The following PRKAG1 variants were observed in gnomAD, a reference collection of about 807,000 sequenced individuals.
The protein encoded by PRKAG1 is protein kinase AMP-activated non-catalytic subunit gamma 1, also known as 5'-AMP-activated protein kinase subunit gamma-1.
In PRKAG1, 27 loss-of-function variants were observed where a neutral mutation model predicts 48.2. The ratio of observed to expected loss-of-function variants is 0.56; its 90% confidence interval spans 0.41 to 0.77. The LOEUF is 0.77. PRKAG1 is among the 30% of genes least tolerant of loss of function. The probability of loss-of-function intolerance (pLI) is 0.00; values close to 1 mark genes in which losing one functional copy is unlikely to be tolerated. For missense variants in PRKAG1, 287 were observed against 398.3 expected (o/e 0.72, Z 2.38); for synonymous variants, 130 against 147.7 (o/e 0.88, Z 0.87).
At position 49,013,359 on chromosome 12, in the gene PRKAG1, C is replaced by T. The variant is rs375619455; in HGVS notation, c.10-249G>A. ...TCGGGGTCAGGTGATCCTCTCTCAC[C>T]TCAGCCTCCTGAGTAGCTGGGACTA... On this transcript the variant is annotated intron_variant, in intron 1 of 11. Transcript: ENST00000548065. Among the ~76,000 whole-genome samples, 49 of 152,250 alleles carry T rather than the reference C, an allele frequency of 3.2e-4. 1 individual carries two copies. Among genetic ancestry groups the T allele is most frequent in the African/African-American group, 8.7e-4 (36 of 41,540 alleles).
chr12:49,007,610 G>C (rs926155804), intron 2 of PRKAG1, among the ~76,000 whole-genome samples: 2 of 152,020 alleles, frequency 1.3e-5, no homozygotes, highest in African/African-American at 4.8e-5. Context: ...CCCTTCCCCA[G>C]AGATGAGAAC....
chr12:49,013,823 T>C (rs1941857777), intron 1 of PRKAG1, among the ~76,000 whole-genome samples: 1 of 152,190 alleles, frequency 6.6e-6, no homozygotes, highest in African/African-American at 2.4e-5. Flanking sequence ...ACAAAATAAT[T>C]TCTTATAACT....
In PRKAG1 at chr12:49,007,353, T is replaced by A. The variant is rs145794268; in HGVS notation, c.59-1501A>T. ...AAATGTGTAAGTAATGTCCTCATGT[T>A]TCAGATGAGAAAATAGGTGTAGTTA... On this transcript the variant is annotated intron_variant, in intron 2 of 11. Transcript: ENST00000548065. Among the ~76,000 whole-genome samples the A allele has an allele frequency of 1.4e-3, 219 of 152,258 alleles. 1 individual carries two copies. The highest frequency in any genetic ancestry group is 5.2e-3 in the African/African-American group (214 of 41,546).
chr12:49,010,360 A>G (rs1258691916), intron 2 of PRKAG1, among the ~76,000 whole-genome samples: 1 of 152,214 alleles, frequency 6.6e-6, no homozygotes, highest in Non-Finnish European at 1.5e-5. Flanking sequence ...CTTCCCTTCA[A>G]GAGGATTCTG....
At chr12:49,004,757 C>T (rs1941449192) in intron 7 of PRKAG1, 124 bp from the exon 8 acceptor site, 1 of 1,446,070 alleles carries the variant, frequency 6.9e-7, no homozygotes, top group Non-Finnish European at 9.5e-7. Context: ...GTGTACAGGC[C>T]AGACTTAAAG....
intron 1 of PRKAG1, chr12:49,018,410 C>T: frequency 1.6e-6 from 2 of 1,236,536 alleles, no homozygotes; most frequent in Non-Finnish European, 2.1e-6. Flanking sequence ...TCTCAAACCT[C>T]TAAAAGGGCT....
At chr12:49,007,286 C>CAA (rs143240191) in intron 2 of PRKAG1, among the ~76,000 whole-genome samples, 23 of 112,226 alleles carry the variant, frequency 2.0e-4, no homozygotes, top group Admixed American at 5.8e-4. Context: ...GACTCCGTCT[C>CAA]AAAAAAAAAA....
At chr12:49,018,594 G>A in intron 1 of PRKAG1, 138 bp downstream of exon 1, 1 of 1,521,786 alleles carries the variant, frequency 6.6e-7, no homozygotes, top group Non-Finnish European at 8.8e-7. Context: ...ACAGGGTCAC[G>A]GGATAGGGCA....
intron 7 of PRKAG1, 71 bp downstream of exon 7, chr12:49,004,893 G>A: frequency 6.6e-7 from 1 of 1,505,826 alleles, no homozygotes; most frequent in Non-Finnish European, 9.2e-7. Flanking sequence ...TTCCCTGGGT[G>A]TCTAGGGCAT....
At chr12:49,007,232 A>G (rs1941577429) in intron 2 of PRKAG1, among the ~76,000 whole-genome samples, 1 of 151,732 alleles carries the variant, frequency 6.6e-6, no homozygotes, top group African/African-American at 2.4e-5. Flanking sequence ...GGTTGCAGTG[A>G]GACGAGATTG....
chr12:49,005,825 T>C lies in PRKAG1; in HGVS notation c.86A>G (p.Tyr29Cys), dbSNP rs1941514547. ...GCGATGAGACTTCATGAAGGAAGTA[T>C]ACACGCTATTGTTGGATTCTGGGGT... The part of the protein sequence containing the change: ...QETPESNNSV[Y>C]TSFMKSHRCY... Residue 29 changes from tyrosine to cysteine, a missense_variant, in exon 3 of 12, where the codon TAT becomes TGT. Tyr to Cys is a radical substitution (Grantham distance 194, BLOSUM62 -2). Around this residue, in one of 2 missense-constraint regions of PRKAG1, gnomAD observed 63 missense variants for 54.0 expected, o/e 1.17. Coordinates refer to ENST00000548065, the MANE Select transcript of PRKAG1 (RefSeq NM_002733.5). The surrounding 1 kb of genome is among the most constrained non-coding windows in gnomAD (Gnocchi z 4.1). 1 of 1,612,212 alleles carries C rather than the reference T, an allele frequency of 6.2e-7. No individual in the cohort carries two copies. Among genetic ancestry groups the C allele is most frequent in the Non-Finnish European group, 8.5e-7 (1 of 1,178,938 alleles).
rs201427080 is a variant in PRKAG1, at chr12:49,005,535, T to G, written c.177A>C (p.Lys59Asn). The G allele has an allele frequency of 1.2e-6, 2 of 1,614,046 alleles. No individual in the cohort carries two copies. Among genetic ancestry groups the G allele is most frequent in the Non-Finnish European group, 1.7e-6 (2 of 1,180,038 alleles). The change falls in exon 4 of 12, where the codon AAA (lysine) becomes AAC (asparagine). Residue 59 changes from lysine to asparagine, a missense_variant. By Grantham distance (94) the Lys-to-Asn change is moderately conservative. Around this residue, in one of 2 missense-constraint regions of PRKAG1, gnomAD observed 224 missense variants for 344.3 expected, o/e 0.65. Coordinates refer to ENST00000548065, the MANE Select transcript of PRKAG1 (RefSeq NM_002733.5). This position sits in a 1 kb window ranked among gnomAD's most constrained non-coding sequence, Gnocchi z 4.1. Reference protein sequence around the residue: ...VVFDTSLQVKKAFFALVTNGV... With the variant: ...VVFDTSLQVKNAFFALVTNGV... Reference sequence around the variant, plus strand: ...CGTTAGTCACCAAAGCAAAAAAAGCTTTCTTCACCTGTAGCCAAGACAGTA... The same window carrying G: ...CGTTAGTCACCAAAGCAAAAAAAGCGTTCTTCACCTGTAGCCAAGACAGTA...
At position 49,005,333 on chromosome 12, in the gene PRKAG1, G is replaced by A. The variant is rs538592897; in HGVS notation, c.282C>T (p.Ile94=). Residue 94 remains isoleucine (I), a synonymous_variant, in exon 5 of 12, where the codon ATC becomes ATT. Coordinates refer to ENST00000548065, the MANE Select transcript of PRKAG1 (RefSeq NM_002733.5). The surrounding 1 kb of genome is among the most constrained non-coding windows in gnomAD (Gnocchi z 4.1). ...AGGCTGATTTATAGTAGCGGTGCAGGATATTGATGAAATCAGTGATGGTCA... is the reference window on the plus strand; with the variant it reads ...AGGCTGATTTATAGTAGCGGTGCAGAATATTGATGAAATCAGTGATGGTCA... ...GMLTITDFIN[I]LHRYYKSALV... The A allele has an allele frequency of 1.9e-6, 3 of 1,614,154 alleles. No homozygotes were observed. The highest frequency in any genetic ancestry group is 4.5e-5 in the East Asian group (2 of 44,882).
Position 49,005,829 on chromosome 12 carries a change from C to A in PRKAG1, c.82G>T (p.Val28Leu). ...TGAGACTTCATGAAGGAAGTATACACGCTATTGTTGGATTCTGGGGTCTCT... is the reference window on the plus strand; with the variant it reads ...TGAGACTTCATGAAGGAAGTATACAAGCTATTGTTGGATTCTGGGGTCTCT... ...PQETPESNNS[V>L]YTSFMKSHRC... is the part of the protein sequence containing the mutation. Residue 28 changes from valine to leucine, a missense_variant, in exon 3 of 12, where the codon GTG becomes TTG. By Grantham distance (32) the Val-to-Leu change is conservative (BLOSUM62 1). This residue lies in a region of PRKAG1 where 63 missense variants were observed against 54.0 expected (regional missense o/e 1.17). Coordinates refer to ENST00000548065, the MANE Select transcript of PRKAG1 (RefSeq NM_002733.5). The surrounding 1 kb of genome is among the most constrained non-coding windows in gnomAD (Gnocchi z 4.1). 1.2e-6 allele frequency: 2 copies of A among 1,610,562 alleles called. No individual in the cohort carries two copies. The highest frequency in any genetic ancestry group is 1.7e-6 in the Non-Finnish European group (2 of 1,178,044).
At chr12:49,011,562 T>G (rs1941763200) in intron 2 of PRKAG1, among the ~76,000 whole-genome samples, 1 of 152,046 alleles carries the variant, frequency 6.6e-6, no homozygotes, top group Non-Finnish European at 1.5e-5. Flanking sequence ...CGCCTTTTTT[T>G]TTTTTTGAGA....
chr12:49,009,012 CTG>C (rs1941655590), intron 2 of PRKAG1, among the ~76,000 whole-genome samples: 1 of 151,952 alleles, frequency 6.6e-6, no homozygotes, highest in African/African-American at 2.4e-5. Context: ...TTCCTTCCCT[CTG>C]TGTTGCCATT....
intron 2 of PRKAG1, among the ~76,000 whole-genome samples, chr12:49,006,278 C>A (rs1200226750): frequency 1.3e-5 from 2 of 152,122 alleles, no homozygotes; most frequent in African/African-American, 4.8e-5. Context: ...GTGGCAAGCA[C>A]CTGTAATCCC....
intron 8 of PRKAG1, 62 bp from the exon 9 acceptor site, chr12:49,003,984 C>T: frequency 2.0e-6 from 3 of 1,536,282 alleles, no homozygotes; most frequent in Non-Finnish European, 2.6e-6. Flanking sequence ...GATACCCCCT[C>T]CAACCCAGTA....
intron 2 of PRKAG1, among the ~76,000 whole-genome samples, chr12:49,008,846 T>C (rs1941650108): frequency 6.6e-6 from 1 of 152,316 alleles, no homozygotes; most frequent in Middle Eastern, 3.4e-3. Flanking sequence ...TGAAAACTCA[T>C]AGGATCTCTG....
Sources: gnomAD v4.1 joint callset for allele counts (sites outside exome capture counted in the v4.1 genomes callset) on GRCh38, gnomAD v4.1.1 for gene constraint, gnomAD v4.1.1 regional missense constraint, Gnocchi (gnomAD v3.1) non-coding constraint, MANE v1.5 for transcripts, NCBI Gene and HGNC (gene_info 2026-07-23, HGNC 2026-07-21) for gene names.